PID1: variants seen among roughly 807,000 people sequenced by gnomAD.
The protein encoded by PID1 is PTB-containing, cubilin and LRP1-interacting protein.
Under a neutral mutation model 19.1 loss-of-function variants are expected in PID1, and 10 were observed. The observed-to-expected ratio is 0.52, with a 90% CI of 0.32 to 0.89. The LOEUF (loss-of-function observed/expected upper bound fraction) is 0.89, where lower values mean the gene tolerates loss of function less well. PID1 is among the 40% of genes least tolerant of loss of function. The pLI, the probability that PID1 is intolerant of heterozygous loss-of-function variation, is 0.03. For synonymous variants in PID1, 130 were observed against 116.0 expected (o/e 1.12, Z -0.78); for missense variants, 248 against 285.3 (o/e 0.87, Z 0.94).
At chr2:229,145,185 AT>A (rs1467161981) in intron 2 of PID1, among the ~76,000 whole-genome samples, 3 of 146,060 alleles carry the variant, frequency 2.1e-5, no homozygotes, top group African/African-American at 2.5e-5. Flanking sequence ...ATATATATAT[AT>A]ATAAACTCGA....
At chr2:229,114,151 TTCTCTCTCTC>T (rs1183310607) in intron 2 of PID1, among the ~76,000 whole-genome samples, 1 of 127,274 alleles carries the variant, frequency 7.9e-6, no homozygotes, top group South Asian at 2.9e-4. Context: ...CTCTCTCTCT[TTCTCTCTCTC>T]TCTCTCCACA....
chr2:229,073,271 T>C (rs1474580241), intron 2 of PID1, among the ~76,000 whole-genome samples: 2 of 152,164 alleles, frequency 1.3e-5, no homozygotes, highest in African/African-American at 4.8e-5. Context: ...GTGATCCGCC[T>C]GACTCGGCCT....
chr2:229,136,416 T>C (rs984317028), intron 2 of PID1, among the ~76,000 whole-genome samples: 1 of 152,170 alleles, frequency 6.6e-6, no homozygotes, highest in Non-Finnish European at 1.5e-5. Context: ...ATGTTTACTG[T>C]GTTAAGCCAT....
chr2:229,111,237 G>C (rs756662955), intron 2 of PID1, among the ~76,000 whole-genome samples: 4 of 152,122 alleles, frequency 2.6e-5, no homozygotes, highest in Non-Finnish European at 4.4e-5. Flanking sequence ...GACTAATACA[G>C]AGCCCAAGGC....
chr2:229,107,110 C>T lies in PID1; in HGVS notation c.177+48708G>A, dbSNP rs374897938. Among the ~76,000 whole-genome samples, 9 of 152,206 alleles carry T rather than the reference C, an allele frequency of 5.9e-5. No homozygotes were observed. In the East Asian group the frequency reaches 1.5e-3, roughly 26 times the overall value. On this transcript the variant is annotated intron_variant, in intron 2 of 2. Coordinates refer to ENST00000392055, the MANE Select transcript of PID1 (RefSeq NM_001100818.2). ...AGAGATTAGAGTCATACTTCCATGACCCAAGAAATGCCAGAAGCCACCAGA... is the reference window on the plus strand; with the variant it reads ...AGAGATTAGAGTCATACTTCCATGATCCAAGAAATGCCAGAAGCCACCAGA...
chr2:229,081,747 C>A (rs1395112481), intron 2 of PID1, among the ~76,000 whole-genome samples: 1 of 152,148 alleles, frequency 6.6e-6, no homozygotes, highest in Admixed American at 6.6e-5. Flanking sequence ...GAGTGCATGC[C>A]ACAAAGAGTT....
intron 2 of PID1, among the ~76,000 whole-genome samples, chr2:229,131,894 G>T (rs1011685338): frequency 6.6e-6 from 1 of 152,128 alleles, no homozygotes. Context: ...TGACATGAGG[G>T]TGGGCAGAAG....
chr2:229,230,835 T>C (rs10180696), intron 1 of PID1, among the ~76,000 whole-genome samples: 82,420 of 151,950 alleles, frequency 0.54, 23,033 homozygotes, highest in African/African-American at 0.63. Context: ...ATATACTTGT[T>C]TGTGTATATA....
intron 2 of PID1, among the ~76,000 whole-genome samples, chr2:229,131,262 A>T: frequency 6.9e-6 from 1 of 144,790 alleles, no homozygotes; most frequent in East Asian, 2.0e-4. Context: ...ACAGAGTCTC[A>T]CTCTGTCTCC....
intron 1 of PID1, among the ~76,000 whole-genome samples, chr2:229,174,680 C>T (rs1370575592): frequency 1.9e-5 from 2 of 106,180 alleles, no homozygotes; most frequent in Non-Finnish European, 5.1e-5. Context: ...TTTGCCCCTC[C>T]CCAACCCCAG....
intron 1 of PID1, among the ~76,000 whole-genome samples, chr2:229,158,866 T>C (rs1690435239): frequency 6.6e-6 from 1 of 151,126 alleles, no homozygotes; most frequent in African/African-American, 2.4e-5. Context: ...ATTTGTGGGA[T>C]CTAAAAATAA....
intron 2 of PID1, among the ~76,000 whole-genome samples, chr2:229,132,633 G>A (rs1689767377): frequency 6.6e-6 from 1 of 152,128 alleles, no homozygotes; most frequent in Admixed American, 6.5e-5. Context: ...GTAATTAAAT[G>A]TTTGATTAGG....
At chr2:229,132,660 T>C (rs1280047512) in intron 2 of PID1, among the ~76,000 whole-genome samples, 3 of 152,214 alleles carry the variant, frequency 2.0e-5, no homozygotes, top group Non-Finnish European at 4.4e-5. Flanking sequence ...AATTAACATA[T>C]TACACAGAGG....
chr2:229,196,177 A>C (rs17676472), intron 1 of PID1, among the ~76,000 whole-genome samples: 19,309 of 152,088 alleles, frequency 0.13, 1,523 homozygotes, highest in East Asian at 0.42. Context: ...CCCTTCAGTT[A>C]CATTTTCAAA....
At chr2:229,105,383 A>T (rs1695156700) in intron 2 of PID1, among the ~76,000 whole-genome samples, 1 of 152,254 alleles carries the variant, frequency 6.6e-6, no homozygotes, top group Admixed American at 6.5e-5. Flanking sequence ...TAACCAATTC[A>T]GCAAGGCTAA....
chr2:229,145,305 A>G (rs1485684476), intron 2 of PID1, among the ~76,000 whole-genome samples: 1 of 151,304 alleles, frequency 6.6e-6, no homozygotes, highest in Non-Finnish European at 1.5e-5. Context: ...GAAGTTATAC[A>G]ATTTCCACTG....
At chr2:229,137,329 T>C (rs1689876864) in intron 2 of PID1, among the ~76,000 whole-genome samples, 1 of 152,212 alleles carries the variant, frequency 6.6e-6, no homozygotes, top group East Asian at 1.9e-4. Flanking sequence ...ATGTGTGTTT[T>C]AACAAAAAGG....
At chr2:229,041,037 A>C (rs1693760911) in intron 2 of PID1, among the ~76,000 whole-genome samples, 1 of 152,188 alleles carries the variant, frequency 6.6e-6, no homozygotes, top group African/African-American at 2.4e-5. Context: ...ATCAATATAC[A>C]GGTGAGTTTG....
chr2:229,256,432 A>C (rs1231803345), intron 1 of PID1, among the ~76,000 whole-genome samples: 1 of 152,224 alleles, frequency 6.6e-6, no homozygotes, highest in Non-Finnish European at 1.5e-5. Context: ...AACCTAAAGG[A>C]GTTCAAGTAT....
Sources: allele counts gnomAD v4.1 joint callset (sites outside exome capture counted in the v4.1 genomes callset), GRCh38; gene constraint gnomAD v4.1.1; transcripts MANE v1.5; gene names NCBI Gene and HGNC (gene_info 2026-07-23, HGNC 2026-07-21).